The following TP63 variants were observed in gnomAD, a reference collection of about 807,000 sequenced individuals.
TP63 encodes the protein tumor protein p63, also known as tumor protein 63.
TP63 carries 17 observed loss-of-function variants against 82.8 expected under a neutral mutation model. The observed-to-expected ratio is 0.21, with a 90% CI of 0.14 to 0.31. The LOEUF is 0.31. TP63 is among the 10% of genes least tolerant of loss of function. The pLI is 1.00. For synonymous variants in TP63, 330 were observed against 321.7 expected, an observed-to-expected ratio of 1.03 and a Z score of -0.28; for missense variants, 648 against 895.3, an observed-to-expected ratio of 0.72 and a Z score of 3.52.
intron 4 of TP63, among the ~76,000 whole-genome samples, chr3:189,818,925 G>A (rs1177814878): frequency 6.6e-6 from 1 of 152,136 alleles, no homozygotes; most frequent in East Asian, 1.9e-4. Flanking sequence ...TTGAGAACAT[G>A]ATTTATGTGT....
At chr3:189,724,459 C>T (rs1330860961) in intron 1 of TP63, among the ~76,000 whole-genome samples, 2 of 152,162 alleles carry the variant, frequency 1.3e-5, no homozygotes, top group African/African-American at 4.8e-5. Context: ...GATTTGTAGT[C>T]TTTTATCCCT....
chr3:189,759,212 A>G (rs1722393943), intron 3 of TP63, among the ~76,000 whole-genome samples: 1 of 152,208 alleles, frequency 6.6e-6, no homozygotes, highest in East Asian at 1.9e-4. Flanking sequence ...AGAAATGCAA[A>G]TTATTGGATA....
intron 1 of TP63, among the ~76,000 whole-genome samples, chr3:189,690,129 C>T (rs752819422): frequency 1.3e-5 from 2 of 152,108 alleles, no homozygotes; most frequent in Non-Finnish European, 2.9e-5. Context: ...TGGGAAAAAT[C>T]GCTTTTTCTT....
intron 1 of TP63, among the ~76,000 whole-genome samples, chr3:189,724,672 A>T (rs1719640716): frequency 6.6e-6 from 1 of 152,218 alleles, no homozygotes; most frequent in African/African-American, 2.4e-5. Context: ...ACTAACAGAG[A>T]TGTTTTGCAA....
At chr3:189,778,448 G>GTGACA (rs1410431378) in intron 3 of TP63, among the ~76,000 whole-genome samples, 4 of 152,154 alleles carry the variant, frequency 2.6e-5, no homozygotes, top group African/African-American at 9.7e-5. Flanking sequence ...AAACTCAAAT[G>GTGACA]TGACAATCTT....
rs1398482554 is a variant in TP63 at position 189,894,511 on chromosome 3, A to G, written c.*9A>G. 2.5e-6 allele frequency: 4 copies of G among 1,612,270 alleles called. No individual in the cohort carries two copies. Among genetic ancestry groups the G allele is most frequent in the Non-Finnish European group, 3.4e-6 (4 of 1,179,970 alleles). ...AAGAGGAGGGGGAGTGAGCCTCACCATGTGAGCTCTTCCTATCCCTCTCCT... is the reference window on the plus strand; with the variant it reads ...AAGAGGAGGGGGAGTGAGCCTCACCGTGTGAGCTCTTCCTATCCCTCTCCT... On this transcript the variant is annotated 3_prime_UTR_variant, in exon 14 of 14. Transcript: ENST00000264731.
At chr3:189,737,086 T>A (rs1004172630) in intron 1 of TP63, among the ~76,000 whole-genome samples, 1 of 152,162 alleles carries the variant, frequency 6.6e-6, no homozygotes, top group African/African-American at 2.4e-5. Context: ...TGCAAAGTGT[T>A]CAGATGTTTG....
At chr3:189,600,021 A>G in the TP63 span, among the ~76,000 whole-genome samples, 1 of 152,230 alleles carries the variant, frequency 6.6e-6, no homozygotes, top group East Asian at 1.9e-4. Flanking sequence ...CCATTTCAAA[A>G]TCACGTAATT....
intron 4 of TP63, chr3:189,830,020 C>A: frequency 4.3e-6 from 1 of 231,200 alleles, no homozygotes; most frequent in South Asian, 4.9e-5. Context: ...TAAGTATTAG[C>A]TCCACTGTAA....
At position 189,896,427 on chromosome 3, in the gene TP63, G is replaced by C. The variant is rs144916141; in HGVS notation, c.*1925G>C. On this transcript the variant is annotated 3_prime_UTR_variant, in exon 14 of 14. Transcript: ENST00000264731. Reference sequence around the variant, plus strand: ...AAATAATGCTACAATTTTAAGAGGGGAGGGAAGGGAAAGTTTTTTTTTATT... The same window carrying C: ...AAATAATGCTACAATTTTAAGAGGGCAGGGAAGGGAAAGTTTTTTTTTATT... 40 of 199,994 alleles carry C rather than the reference G, an allele frequency of 2.0e-4. No homozygotes were observed. The highest frequency in any genetic ancestry group is 9.2e-4 in the African/African-American group (40 of 43,600). 12.4% of individuals were successfully genotyped at this position (199,994 alleles called of 1,614,324 possible).
intron 3 of TP63, among the ~76,000 whole-genome samples, chr3:189,761,675 G>A (rs549721742): frequency 6.6e-6 from 1 of 152,144 alleles, no homozygotes; most frequent in African/African-American, 2.4e-5. Context: ...CACGTTTTTG[G>A]GTATCTTTTC....
intron 3 of TP63, among the ~76,000 whole-genome samples, chr3:189,806,040 CTTTTTTT>C (rs34836784): frequency 1.3e-4 from 7 of 52,058 alleles, no homozygotes; most frequent in Non-Finnish European, 2.0e-4. Context: ...GAAGCAAACA[CTTTTTTT>C]TTTTTTTTTT....
intron 1 of TP63, among the ~76,000 whole-genome samples, chr3:189,670,990 A>T (rs1178710251): frequency 6.6e-6 from 1 of 152,108 alleles, no homozygotes; most frequent in Non-Finnish European, 1.5e-5. Context: ...TTCATAGGTG[A>T]GACTTCAAAA....
intron 3 of TP63, among the ~76,000 whole-genome samples, chr3:189,749,513 T>C (rs1416636963): frequency 6.6e-6 from 1 of 152,072 alleles, no homozygotes; most frequent in East Asian, 1.9e-4. Context: ...CCAGTTAGTT[T>C]ATTTTTCAAA....
chr3:189,778,448 G>A (rs979175752), intron 3 of TP63, among the ~76,000 whole-genome samples: 2 of 152,154 alleles, frequency 1.3e-5, no homozygotes, highest in Non-Finnish European at 2.9e-5. Flanking sequence ...AAACTCAAAT[G>A]TGACAATCTT....
chr3:189,621,514 TTTA>T, the TP63 span, among the ~76,000 whole-genome samples: 1 of 151,824 alleles, frequency 6.6e-6, no homozygotes, highest in Non-Finnish European at 1.5e-5. Context: ...TATAGTATAT[TTTA>T]TATATAGAGA....
At chr3:189,655,829 G>C (rs1032089458) in intron 1 of TP63, among the ~76,000 whole-genome samples, 2 of 152,130 alleles carry the variant, frequency 1.3e-5, no homozygotes, top group East Asian at 3.9e-4. Context: ...GGGCTTTTCT[G>C]TCATTAACCC....
At chr3:189,596,950 A>G in the TP63 span, among the ~76,000 whole-genome samples, 1 of 152,108 alleles carries the variant, frequency 6.6e-6, no homozygotes, top group South Asian at 2.1e-4. Context: ...CACCGCCTTA[A>G]GAACTTCAAC....
At chr3:189,701,243 C>T (rs867701496) in intron 1 of TP63, among the ~76,000 whole-genome samples, 1 of 151,980 alleles carries the variant, frequency 6.6e-6, no homozygotes, top group Admixed American at 6.6e-5. Flanking sequence ...AGTACGTGCT[C>T]CTCAAGAATT....
Sources: allele counts gnomAD v4.1 joint callset (sites outside exome capture counted in the v4.1 genomes callset), GRCh38; gene constraint gnomAD v4.1.1; transcripts MANE v1.5; gene names NCBI Gene and HGNC (gene_info 2026-07-23, HGNC 2026-07-21).